The following TXLNA variants were observed in gnomAD, a reference collection of about 807,000 sequenced individuals.
TXLNA encodes the protein taxilin alpha.
Under a neutral mutation model 61.4 loss-of-function variants are expected in TXLNA, and 9 were observed. The observed-to-expected ratio is 0.15, with a 90% CI of 0.09 to 0.26. The LOEUF is 0.26. Ranked by LOEUF, TXLNA falls within the 10% of genes least tolerant of loss-of-function variation. The pLI, the probability that TXLNA is intolerant of heterozygous loss-of-function variation, is 1.00. For missense variants in TXLNA, 565 were observed against 688.8 expected (o/e 0.82, Z 2.01); for synonymous variants, 257 against 267.7 (o/e 0.96, Z 0.39).
At position 32,188,039 on chromosome 1, in the gene TXLNA, G is replaced by A. The variant is rs767297226; in HGVS notation, c.683G>A (p.Arg228His). The A allele has an allele frequency of 1.6e-5, 26 of 1,609,486 alleles. No individual in the cohort carries two copies. Among genetic ancestry groups the A allele is most frequent in the African/African-American group, 8.0e-5 (6 of 74,890 alleles). The change falls in exon 5 of 11, where the codon CGC becomes CAC. Residue 228 changes from arginine (R) to histidine (H), a missense_variant. This residue lies in a region of TXLNA where 373 missense variants were observed against 504.0 expected (regional missense o/e 0.74). Coordinates refer to ENST00000373610, the MANE Select transcript of TXLNA (RefSeq NM_175852.4). ...SQLVQEKDHL[R>H]GEHSKAVLAR... ...CTGGTGCAAGAGAAGGACCACCTGC[G>A]CGGTGAGCACAGCAAGGCCGTCCTG...
intron 10 of TXLNA, 132 bp downstream of exon 10, chr1:32,194,292 G>A: frequency 1.3e-6 from 1 of 748,160 alleles, no homozygotes; most frequent in Admixed American, 2.4e-5. Flanking sequence ...CAATGTCCAA[G>A]TCCAAAGTTA....
chr1:32,194,247 C>G (rs1344033103), intron 10 of TXLNA, 87 bp downstream of exon 10: 1 of 1,060,894 alleles, frequency 9.4e-7, no homozygotes, highest in Admixed American at 2.0e-5. Context: ...CCATCAGTGA[C>G]ACAGCTAGCA....
chr1:32,193,267 G>C lies in TXLNA; in HGVS notation c.1218G>C (p.Glu406Asp), dbSNP rs1350140076. The C allele has an allele frequency of 6.2e-7, 1 of 1,613,732 alleles. No individual in the cohort carries two copies. Among genetic ancestry groups the C allele is most frequent in the Non-Finnish European group, 8.5e-7 (1 of 1,179,942 alleles). The change falls in exon 9 of 11, where the codon GAG (glutamate) becomes GAC (aspartate). Residue 406 changes from glutamate (E) to aspartate (D), a missense_variant. Around this residue, in one of 2 missense-constraint regions of TXLNA, gnomAD observed 373 missense variants for 504.0 expected, o/e 0.74. Coordinates refer to ENST00000373610, the MANE Select transcript of TXLNA (RefSeq NM_175852.4). ...EFQNTLSKSS[E>D]VFTTFKQEME... The stretch of plus-strand genomic sequence containing the variant: ...AGAACACACTTTCCAAAAGCAGCGA[G>C]GTATTCACCACATTCAAGCAGGAGA...
rs1643034228 is a variant in TXLNA, at chr1:32,196,742, C to T, written c.*1547C>T. ...TTTTCTTTGAAGCTAGTTCATTGTCCTGCAGGTCCCTTCATCTTCCATACC... is the reference window on the plus strand; with the variant it reads ...TTTTCTTTGAAGCTAGTTCATTGTCTTGCAGGTCCCTTCATCTTCCATACC... On this transcript the variant is annotated 3_prime_UTR_variant, in exon 11 of 11. Transcript: ENST00000373610. 1 of 152,258 alleles carries T rather than the reference C, an allele frequency of 6.6e-6. No individual in the cohort carries two copies. Among genetic ancestry groups the T allele is most frequent in the African/African-American group, 2.4e-5 (1 of 41,454 alleles). 9.4% of individuals were successfully genotyped at this position (152,258 alleles called of 1,614,324 possible).
chr1:32,180,529 T>C lies in TXLNA; in HGVS notation c.169+15T>C, dbSNP rs1446048549. On this transcript the variant is annotated intron_variant, in intron 2 of 10. Transcript: ENST00000373610. Reference sequence around the variant, plus strand: ...GAAGCCGGAGGGTGTGTGCCAGCTCTGCGTTGCCAGCGGGCAGGGGGAGGA... The same window carrying C: ...GAAGCCGGAGGGTGTGTGCCAGCTCCGCGTTGCCAGCGGGCAGGGGGAGGA... The C allele has an allele frequency of 6.3e-7, 1 of 1,583,330 alleles. No homozygotes were observed. Among genetic ancestry groups the C allele is most frequent in the Non-Finnish European group, 8.6e-7 (1 of 1,165,610 alleles).
intron 10 of TXLNA, among the ~76,000 whole-genome samples, chr1:32,194,429 C>T (rs927806892): frequency 8.5e-5 from 13 of 152,166 alleles, no homozygotes; most frequent in African/African-American, 3.1e-4. Context: ...GCCTGGTTTA[C>T]ATGTAAAGCA....
rs1643047666 is a variant in TXLNA, at chr1:32,197,339, G to A, written c.*2144G>A. ...ACTGGAGCTGCTGGATCCCAGTGTG[G>A]TGGTGTAGGAGGCCACAGTGAGCAG... On this transcript the variant is annotated 3_prime_UTR_variant, in exon 11 of 11. Transcript: ENST00000373610. This position sits in a 1 kb window ranked among gnomAD's most constrained non-coding sequence, Gnocchi z 4.6. 6.6e-6 allele frequency: 1 copy of A among 152,380 alleles called. No individual in the cohort carries two copies. The highest frequency in any genetic ancestry group is 1.5e-5 in the Non-Finnish European group (1 of 68,140). The allele number at this position is 152,380 out of a possible 1,614,324, so 9.4% of individuals were successfully genotyped here.
intron 3 of TXLNA, among the ~76,000 whole-genome samples, chr1:32,182,586 C>T (rs372174160): frequency 1.3e-5 from 2 of 150,672 alleles, no homozygotes; most frequent in African/African-American, 4.9e-5. Flanking sequence ...GGCTTGAACC[C>T]GGGAGGCAGA....
chr1:32,188,985 A>C (rs529633562), intron 5 of TXLNA, among the ~76,000 whole-genome samples: 1 of 152,278 alleles, frequency 6.6e-6, no homozygotes, highest in East Asian at 1.9e-4. Context: ...AAAATCTTAC[A>C]TGTAGTTTTT....
chr1:32,190,863 C>T (rs1460504889), intron 6 of TXLNA, among the ~76,000 whole-genome samples: 3 of 152,124 alleles, frequency 2.0e-5, no homozygotes, highest in East Asian at 1.9e-4. Context: ...GAGGCCAAAG[C>T]GGGCGGATCA....
In TXLNA at chr1:32,192,634, C is replaced by A. The variant is rs774428080; in HGVS notation, c.1084-23C>A. The A allele has an allele frequency of 6.2e-7, 1 of 1,613,902 alleles. No homozygotes were observed. Among genetic ancestry groups the A allele is most frequent in the Non-Finnish European group, 8.5e-7 (1 of 1,179,880 alleles). On this transcript the variant is annotated intron_variant, in intron 7 of 10. Transcript: ENST00000373610. This position sits in a 1 kb window ranked among gnomAD's most constrained non-coding sequence, Gnocchi z 4.2. ...AGCCCCTGGGGGCTTCTGACAGGAT[C>A]TGGGGTTCTGTCTTGGAAATAGCTC...
chr1:32,193,275 C>G lies in TXLNA; in HGVS notation c.1226C>G (p.Thr409Ser), dbSNP rs1375057085. The change falls in exon 9 of 11, where the codon ACC (threonine) becomes AGC (serine). Residue 409 changes from threonine to serine, a missense_variant. Thr to Ser is a moderately conservative substitution (Grantham distance 58). Transcript: ENST00000373610. Reference sequence around the variant, plus strand: ...CTTTCCAAAAGCAGCGAGGTATTCACCACATTCAAGCAGGAGATGGAAAAG... The same window carrying G: ...CTTTCCAAAAGCAGCGAGGTATTCAGCACATTCAAGCAGGAGATGGAAAAG... ...NTLSKSSEVFTTFKQEMEKMT... is the reference protein window; with the variant it reads ...NTLSKSSEVFSTFKQEMEKMT... The G allele has an allele frequency of 6.2e-7, 1 of 1,613,472 alleles. No homozygotes were observed. Among genetic ancestry groups the G allele is most frequent in the Non-Finnish European group, 8.5e-7 (1 of 1,179,762 alleles).
chr1:32,181,154 C>T, intron 2 of TXLNA, 88 bp from the exon 3 acceptor site: 1 of 1,172,550 alleles, frequency 8.5e-7, no homozygotes, highest in Non-Finnish European at 1.1e-6. Context: ...TTAACTCAAA[C>T]TGATGAGTTT....
chr1:32,194,756 A>T, intron 10 of TXLNA, 146 bp from the exon 11 acceptor site: 3 of 952,688 alleles, frequency 3.1e-6, no homozygotes, highest in Non-Finnish European at 4.8e-6. Flanking sequence ...CAGCCTAGTC[A>T]TGGCTTCAAC....
In TXLNA at chr1:32,190,173, C is replaced by A. The variant is rs771416938; in HGVS notation, c.887C>A (p.Ser296Tyr). The change falls in exon 6 of 11, where the codon TCC becomes TAC. Residue 296 changes from serine (S) to tyrosine (Y), a missense_variant. By Grantham distance (144) the Ser-to-Tyr change is moderately radical. Coordinates refer to ENST00000373610, the MANE Select transcript of TXLNA (RefSeq NM_175852.4). Reference sequence around the variant, plus strand: ...ATGGAACAGCACAATGAGCGCAACTCCAAGCTGCGCCAAGAGAACATGGAG... The same window carrying A: ...ATGGAACAGCACAATGAGCGCAACTACAAGCTGCGCCAAGAGAACATGGAG... ...LQMEQHNERN[S>Y]KLRQENMELA... 5.0e-6 allele frequency: 8 copies of A among 1,601,832 alleles called. No homozygotes were observed. The highest frequency in any genetic ancestry group is 6.8e-6 in the Non-Finnish European group (8 of 1,174,102).
At chr1:32,186,633 A>G (rs1440662880) in intron 4 of TXLNA, among the ~76,000 whole-genome samples, 1 of 152,158 alleles carries the variant, frequency 6.6e-6, no homozygotes, top group African/African-American at 2.4e-5. Flanking sequence ...AGGAGAGTGG[A>G]AGGATGGTTG....
chr1:32,184,452 C>G, intron 3 of TXLNA, 73 bp from the exon 4 acceptor site: 1 of 971,724 alleles, frequency 1.0e-6, no homozygotes, highest in Non-Finnish European at 1.6e-6. Context: ...CTTCAGCACT[C>G]ATGAGTGTGA....
intron 5 of TXLNA, among the ~76,000 whole-genome samples, chr1:32,189,821 G>A (rs568849346): frequency 1.3e-5 from 2 of 152,062 alleles, no homozygotes; most frequent in Non-Finnish European, 2.9e-5. Context: ...GATTACAGGC[G>A]TGAGCCACCG....
In TXLNA at chr1:32,181,232, CCTG is replaced by C; in HGVS notation, c.170-6_170-4del. Reference sequence around the variant, plus strand: ...TTTCTCACTCTACCCCTCATCCTCTCCTGCTGTAGGGGCTCAAGCCAGAACGGC... The same window carrying C: ...TTTCTCACTCTACCCCTCATCCTCTCCTGTAGGGGCTCAAGCCAGAACGGC... On this transcript the variant is annotated splice_polypyrimidine_tract_variant and splice_region_variant and intron_variant, in intron 2 of 10. Transcript: ENST00000373610. 6.4e-7 allele frequency: 1 copy of C among 1,551,152 alleles called. No homozygotes were observed. Among genetic ancestry groups the C allele is most frequent in the East Asian group, 2.3e-5 (1 of 44,080 alleles).
Sources: allele counts gnomAD v4.1 joint callset (sites outside exome capture counted in the v4.1 genomes callset), GRCh38; gene constraint gnomAD v4.1.1; regional missense constraint gnomAD v4.1.1; non-coding constraint Gnocchi (gnomAD v3.1); transcripts MANE v1.5; gene names NCBI Gene and HGNC (gene_info 2026-07-23, HGNC 2026-07-21).